Variants in GSTA2 observed in about 807,000 individuals in gnomAD.
The protein encoded by GSTA2 is glutathione S-transferase A2.
Under a neutral mutation model 22.4 loss-of-function variants are expected in GSTA2, and 27 were observed. The ratio of observed to expected loss-of-function variants is 1.21; its 90% CI spans 0.89 to 1.67. GSTA2 has a LOEUF of 1.67. Among genes scored for constraint, GSTA2 ranks in the 40% most tolerant of loss-of-function variants. The pLI is 0.00. For synonymous variants in GSTA2, 121 were observed against 86.8 expected, an observed-to-expected ratio of 1.39 and a Z score of -2.19; for missense variants, 302 against 260.2, an observed-to-expected ratio of 1.16 and a Z score of -1.11.
chr6:52,762,019 G>A (rs7748152), intron 1 of GSTA2, among the ~76,000 whole-genome samples: 1,864 of 145,914 alleles, frequency 0.013, 57 homozygotes, highest in African/African-American at 0.042. Flanking sequence ...AATGGATTTA[G>A]GGCTATGGAG....
rs139521723 is a variant in GSTA2 at position 52,759,345 on chromosome 6, T to A, written c.-30-1368A>T. 2.5e-3 allele frequency among the ~76,000 whole-genome samples: 382 copies of A among 152,218 alleles called. 2 individuals carry two copies. Among genetic ancestry groups the A allele is most frequent in the Middle Eastern group, 0.017 (5 of 294 alleles). On this transcript the variant is annotated intron_variant, in intron 1 of 6. Transcript: ENST00000493422. ...GTATCAGAGAATGAAAACCAGTGGCTGCAGAGACAGATGCAACTAATTGTA... is the reference window on the plus strand; with the variant it reads ...GTATCAGAGAATGAAAACCAGTGGCAGCAGAGACAGATGCAACTAATTGTA...
rs191244127 is a variant in GSTA2, at chr6:52,751,435, T to C, written c.546+142A>G. The C allele has an allele frequency of 9.3e-5, 142 of 1,532,750 alleles. 1 individual carries two copies. In the East Asian group the frequency reaches 2.9e-3, roughly 31 times the overall value. The allele number at this position is 1,532,750 out of a possible 1,614,324, so 94.9% of individuals were successfully genotyped here. On this transcript the variant is annotated intron_variant, in intron 6 of 6. Coordinates refer to ENST00000493422, the MANE Select transcript of GSTA2 (RefSeq NM_000846.5). ...GTTTTCATTCCTCAAAATTGGAGCCTGGAAGCTCATTTTGGAGACCTTGGG... is the reference window on the plus strand; with the variant it reads ...GTTTTCATTCCTCAAAATTGGAGCCCGGAAGCTCATTTTGGAGACCTTGGG...
At chr6:52,756,117 C>T in intron 3 of GSTA2, 141 bp downstream of exon 3, 2 of 577,450 alleles carry the variant, frequency 3.5e-6, no homozygotes, top group South Asian at 2.1e-5. Flanking sequence ...GAGCCACATC[C>T]CTTCCATTTT....
chr6:52,752,295 G>A (rs956952272), intron 5 of GSTA2, among the ~76,000 whole-genome samples: 2 of 152,180 alleles, frequency 1.3e-5, no homozygotes, highest in African/African-American at 4.8e-5. Flanking sequence ...GTTATAATCT[G>A]CAAGCTGAAG....
intron 2 of GSTA2, 66 bp downstream of exon 2, chr6:52,757,795 C>A (rs1326700274): frequency 1.5e-6 from 2 of 1,330,466 alleles, no homozygotes; most frequent in Non-Finnish European, 2.2e-6. Context: ...CTCATAGTTT[C>A]TGTGGGAAAA....
At chr6:52,751,414 T>C (rs1405932913) in intron 6 of GSTA2, among the ~76,000 whole-genome samples, 163 bp downstream of exon 6, 1 of 152,146 alleles carries the variant, frequency 6.6e-6, no homozygotes, top group Non-Finnish European at 1.5e-5. Context: ...AAAAGTGTTT[T>C]CATTCCTCAA....
At chr6:52,754,055 C>G (rs1034583851) in intron 4 of GSTA2, among the ~76,000 whole-genome samples, 19 of 152,222 alleles carry the variant, frequency 1.2e-4, no homozygotes, top group Non-Finnish European at 1.9e-4. Context: ...ATTCGTACTT[C>G]ATTCCTTTTC....
Position 52,754,955 on chromosome 6 carries a change from T to C in GSTA2, c.260A>G (p.Lys87Arg). 1 of 1,613,824 alleles carries C rather than the reference T, an allele frequency of 6.2e-7. No homozygotes were observed. The highest frequency in any genetic ancestry group is 8.5e-7 in the Non-Finnish European group (1 of 1,179,922). Residue 87 changes from lysine (K) to arginine (R), a missense_variant, in exon 4 of 7, where the codon AAG becomes AGG. Lys to Arg is a conservative substitution (Grantham distance 26). Transcript: ENST00000493422. ...SKYNLYGKDI[K>R]EKALIDMYIE... ...AAATATACCGTACAGGGCTTTCTCC[T>C]TTATGTCTTTCCCATAGAGGTTGTA... is the stretch of plus-strand genomic sequence containing the variant.
intron 3 of GSTA2, among the ~76,000 whole-genome samples, chr6:52,755,491 G>C (rs1404863756): frequency 6.6e-6 from 1 of 152,188 alleles, no homozygotes; most frequent in Non-Finnish European, 1.5e-5. Flanking sequence ...GATTACAGGT[G>C]TAAGCCACTG....
intron 1 of GSTA2, among the ~76,000 whole-genome samples, chr6:52,759,083 T>C (rs1762902945): frequency 1.3e-5 from 2 of 152,196 alleles, no homozygotes; most frequent in South Asian, 4.1e-4. Context: ...GAAATCCCAT[T>C]ACTTTAAAAA....
chr6:52,752,915 T>C lies in GSTA2; in HGVS notation c.353A>G (p.Asp118Gly), dbSNP rs1485933566. Residue 118 changes from aspartate (D) to glycine (G), a missense_variant, in exon 5 of 7, where the codon GAT (aspartate) becomes GGT (glycine). Asp to Gly is a moderately conservative substitution (Grantham distance 94, BLOSUM62 -1). Coordinates refer to ENST00000493422, the MANE Select transcript of GSTA2 (RefSeq NM_000846.5). Reference protein sequence around the residue: ...LLPFSQPEEQDAKLALIQEKT... With the variant: ...LLPFSQPEEQGAKLALIQEKT... ...CTCTTGGATCAAGGCAAGCTTGGCA[T>C]CTTGTTCCTCAGGTTGACTAAAGGG... 7 of 1,613,998 alleles carry C rather than the reference T, an allele frequency of 4.3e-6. No homozygotes were observed. Among genetic ancestry groups the C allele is most frequent in the African/African-American group, 4.0e-5 (3 of 74,924 alleles).
At chr6:52,762,684 C>T (rs1762971871) in intron 1 of GSTA2, among the ~76,000 whole-genome samples, 2 of 152,296 alleles carry the variant, frequency 1.3e-5, no homozygotes, top group African/African-American at 4.8e-5. Context: ...GCCCCGGTCC[C>T]CTGGACCCAC....
At chr6:52,752,450 T>C (rs894179849) in intron 5 of GSTA2, among the ~76,000 whole-genome samples, 3 of 152,204 alleles carry the variant, frequency 2.0e-5, no homozygotes, top group Admixed American at 2.0e-4. Context: ...GCAATTGGTC[T>C]CCTGTCTTCC....
intron 1 of GSTA2, among the ~76,000 whole-genome samples, chr6:52,760,213 T>C (rs1345662707): frequency 6.6e-6 from 1 of 152,164 alleles, no homozygotes; most frequent in Non-Finnish European, 1.5e-5. Flanking sequence ...ATAATTCCAA[T>C]CCCCAAAATA....
intron 1 of GSTA2, among the ~76,000 whole-genome samples, chr6:52,762,862 G>A (rs1347829401): frequency 2.6e-5 from 4 of 152,154 alleles, no homozygotes; most frequent in Non-Finnish European, 4.4e-5. Context: ...TACACAGTTC[G>A]CAGCAACAGT....
At chr6:52,761,173 G>C (rs1431550324) in intron 1 of GSTA2, among the ~76,000 whole-genome samples, 1 of 152,122 alleles carries the variant, frequency 6.6e-6, no homozygotes, top group Non-Finnish European at 1.5e-5. Flanking sequence ...AGATAATGTA[G>C]AAAAAAATCA....
chr6:52,751,989 G>C (rs1762746751), intron 5 of GSTA2, among the ~76,000 whole-genome samples: 1 of 152,200 alleles, frequency 6.6e-6, no homozygotes, highest in Non-Finnish European at 1.5e-5. Flanking sequence ...CATGGGCCAA[G>C]GGCTTAGCAC....
intron 4 of GSTA2, 23 bp from the exon 5 acceptor site, chr6:52,753,018 T>A: frequency 6.3e-7 from 1 of 1,576,698 alleles, no homozygotes; most frequent in African/African-American, 1.4e-5. Context: ...AACAACCAAA[T>A]GGTCAAATAT....
intron 2 of GSTA2, 120 bp downstream of exon 2, chr6:52,757,741 C>T (rs1341424131): frequency 1.1e-5 from 9 of 850,198 alleles, no homozygotes; most frequent in South Asian, 3.0e-5. Context: ...TTCTTAATTA[C>T]AGTCCCTTTT....
Sources: allele counts gnomAD v4.1 joint callset (sites outside exome capture counted in the v4.1 genomes callset), GRCh38; gene constraint gnomAD v4.1.1; transcripts MANE v1.5; gene names NCBI Gene and HGNC (gene_info 2026-07-23, HGNC 2026-07-21).